Variants in CLSTN2 observed in about 807,000 individuals in gnomAD.
CLSTN2 encodes calsyntenin-2.
A neutral mutation model predicts 101.2 loss-of-function variants in CLSTN2; 48 were observed. That is an observed-to-expected ratio of 0.47 (90% CI 0.38 to 0.60). The LOEUF is 0.60. Among genes scored for constraint, CLSTN2 ranks in the 20% least tolerant of loss-of-function variants. The pLI, the probability that CLSTN2 is intolerant of heterozygous loss-of-function variation, is 0.00. For missense variants in CLSTN2, 1,160 were observed against 1,238.2 expected (o/e 0.94, Z 0.95); for synonymous variants, 481 against 463.6 (o/e 1.04, Z -0.48).
intron 6 of CLSTN2, among the ~76,000 whole-genome samples, chr3:140,451,319 CAT>C (rs1331208697): frequency 6.6e-6 from 1 of 152,202 alleles, no homozygotes; most frequent in East Asian, 1.9e-4. Context: ...AATTGCATCT[CAT>C]ATGTTAACAC....
At chr3:139,984,923 G>GTATC (rs1935996336) in intron 1 of CLSTN2, among the ~76,000 whole-genome samples, 1 of 152,056 alleles carries the variant, frequency 6.6e-6, no homozygotes, top group Non-Finnish European at 1.5e-5. Context: ...GTTCCTTTTT[G>GTATC]TATCTATACC....
At chr3:140,485,551 G>A (rs1209137890) in intron 8 of CLSTN2, among the ~76,000 whole-genome samples, 1 of 152,210 alleles carries the variant, frequency 6.6e-6, no homozygotes, top group East Asian at 1.9e-4. Flanking sequence ...CCTGCCCCCA[G>A]AGGTGGAGTC....
intron 1 of CLSTN2, among the ~76,000 whole-genome samples, chr3:140,142,208 G>A (rs4638924): frequency 0.19 from 29,229 of 152,116 alleles, 3,732 homozygotes; most frequent in East Asian, 0.6. Context: ...GGCTCATGTT[G>A]CTTCCTTCGT....
chr3:140,122,098 C>G (rs1453842147), intron 1 of CLSTN2, among the ~76,000 whole-genome samples: 1 of 152,208 alleles, frequency 6.6e-6, no homozygotes, highest in Non-Finnish European at 1.5e-5. Flanking sequence ...CTGGCTGTAT[C>G]TCCCCATGGT....
At chr3:140,515,338 G>C (rs939371267) in intron 8 of CLSTN2, among the ~76,000 whole-genome samples, 5 of 151,740 alleles carry the variant, frequency 3.3e-5, no homozygotes, top group African/African-American at 1.2e-4. Flanking sequence ...TCTTTTTATT[G>C]TTTTTCTGCT....
At chr3:140,168,282 G>A (rs1055769713) in intron 1 of CLSTN2, among the ~76,000 whole-genome samples, 14 of 152,100 alleles carry the variant, frequency 9.2e-5, no homozygotes, top group Admixed American at 9.2e-4. Context: ...GACTATTGAT[G>A]TTGAACAAAT....
intron 2 of CLSTN2, among the ~76,000 whole-genome samples, chr3:140,293,616 A>C (rs2086974903): frequency 6.6e-6 from 1 of 152,174 alleles, no homozygotes; most frequent in African/African-American, 2.4e-5. Context: ...AACTTAGATA[A>C]TGGAGTGGAT....
intron 2 of CLSTN2, among the ~76,000 whole-genome samples, chr3:140,311,233 A>G (rs948663972): frequency 6.9e-6 from 1 of 144,878 alleles, no homozygotes; most frequent in Non-Finnish European, 1.5e-5. Context: ...GAACGAATAG[A>G]TGATGCATTA....
intron 1 of CLSTN2, among the ~76,000 whole-genome samples, chr3:139,942,217 T>A (rs1336168771): frequency 6.6e-6 from 1 of 152,172 alleles, no homozygotes; most frequent in Non-Finnish European, 1.5e-5. Context: ...AGAATCGGTT[T>A]CCCTGAAAGC....
At chr3:140,205,484 G>A (rs1259832694) in intron 2 of CLSTN2, among the ~76,000 whole-genome samples, 3 of 152,176 alleles carry the variant, frequency 2.0e-5, no homozygotes, top group African/African-American at 7.2e-5. Flanking sequence ...ATTTCCAGGT[G>A]CTACATGGTT....
Position 140,415,608 on chromosome 3 carries a change from G to A in CLSTN2, c.638-5517G>A, listed in dbSNP as rs180698282. 9.5e-3 allele frequency among the ~76,000 whole-genome samples: 1,437 copies of A among 151,144 alleles called. 12 individuals carry two copies. The highest frequency in any genetic ancestry group is 0.013 in the Non-Finnish European group (904 of 67,784). On this transcript the variant is annotated intron_variant, in intron 4 of 16. Transcript: ENST00000458420. ...ACGTGCATACAAAAAGATGTTCAAT[G>A]TCACTAACTACCAGTAAAATGCAAA...
In CLSTN2 at chr3:140,566,070, G is replaced by T; in HGVS notation, c.2685G>T (p.Gly895=). The T allele has an allele frequency of 6.2e-7, 1 of 1,613,948 alleles. No individual in the cohort carries two copies. The highest frequency in any genetic ancestry group is 8.5e-7 in the Non-Finnish European group (1 of 1,179,860). Residue 895 remains glycine (G), a synonymous_variant, in exon 17 of 17, where the codon GGG becomes GGT. Coordinates refer to ENST00000458420, the MANE Select transcript of CLSTN2 (RefSeq NM_022131.3). ...ATATCCAGAAACATGAAGGACCAGG[G>T]CATGGGGAAGATGAGACTGAGGGAG... is the stretch of plus-strand genomic sequence containing the variant. The part of the protein sequence containing the change: ...VNPMEKHEGP[G]HGEDETEGEE...
intron 2 of CLSTN2, among the ~76,000 whole-genome samples, chr3:140,374,037 C>T (rs1371298833): frequency 1.3e-5 from 2 of 152,212 alleles, no homozygotes; most frequent in East Asian, 3.9e-4. Flanking sequence ...TCCTGACAGT[C>T]TTCCTGTCCC....
chr3:140,064,252 G>C (rs1157524049), intron 1 of CLSTN2, among the ~76,000 whole-genome samples: 1 of 152,198 alleles, frequency 6.6e-6, no homozygotes, highest in Admixed American at 6.5e-5. Flanking sequence ...TTTTGCTGAA[G>C]AAGGATTGTA....
intron 9 of CLSTN2, among the ~76,000 whole-genome samples, chr3:140,542,417 G>T (rs947109948): frequency 6.6e-6 from 1 of 152,136 alleles, no homozygotes; most frequent in African/African-American, 2.4e-5. Flanking sequence ...ATTTAAGGAA[G>T]ATTCTTTATG....
intron 2 of CLSTN2, among the ~76,000 whole-genome samples, chr3:140,351,937 A>G (rs2087611115): frequency 6.6e-6 from 1 of 151,812 alleles, no homozygotes; most frequent in African/African-American, 2.4e-5. Context: ...TGATACAGAG[A>G]AGGACAAAAC....
At chr3:140,127,310 T>C (rs1576437131) in intron 1 of CLSTN2, among the ~76,000 whole-genome samples, 1 of 152,272 alleles carries the variant, frequency 6.6e-6, no homozygotes. Context: ...ATAGCAATAA[T>C]AACACTCCAT....
chr3:140,513,761 G>A (rs915718876), intron 8 of CLSTN2, among the ~76,000 whole-genome samples: 2 of 151,630 alleles, frequency 1.3e-5, no homozygotes, highest in African/African-American at 4.8e-5. Flanking sequence ...AATCTGTCTG[G>A]GCCTGGGCTT....
At chr3:140,350,572 G>C (rs992157984) in intron 2 of CLSTN2, among the ~76,000 whole-genome samples, 2 of 152,164 alleles carry the variant, frequency 1.3e-5, no homozygotes, top group Non-Finnish European at 2.9e-5. Flanking sequence ...GCAATAGTGG[G>C]TACTTCCCCT....
Sources: gnomAD v4.1 joint callset for allele counts (sites outside exome capture counted in the v4.1 genomes callset) on GRCh38, gnomAD v4.1.1 for gene constraint, MANE v1.5 for transcripts, NCBI Gene and HGNC (gene_info 2026-07-23, HGNC 2026-07-21) for gene names.